KIAA1328: variants seen among roughly 807,000 people sequenced by gnomAD.
KIAA1328 encodes KIAA1328.
A neutral mutation model predicts 68.1 loss-of-function variants in KIAA1328; 52 were observed. The ratio of observed to expected loss-of-function variants is 0.76; its 90% CI spans 0.61 to 0.96. The LOEUF (loss-of-function observed/expected upper bound fraction) is 0.96, where lower values mean the gene tolerates loss of function less well. KIAA1328 is among the 40% of genes least tolerant of loss of function. The pLI, the probability that KIAA1328 is intolerant of heterozygous loss-of-function variation, is 0.00. For missense variants in KIAA1328, 641 were observed against 677.6 expected, an observed-to-expected ratio of 0.95 and a Z score of 0.60; for synonymous variants, 232 against 239.4, an observed-to-expected ratio of 0.97 and a Z score of 0.28.
At chr18:37,102,284 G>A (rs2057644040) in intron 7 of KIAA1328, among the ~76,000 whole-genome samples, 1 of 152,166 alleles carries the variant, frequency 6.6e-6, no homozygotes, top group South Asian at 2.1e-4. Context: ...CGTGATTCAG[G>A]GGAGGGACAG....
At chr18:36,831,903 A>G (rs573498098) in intron 1 of KIAA1328, among the ~76,000 whole-genome samples, 2 of 152,308 alleles carry the variant, frequency 1.3e-5, no homozygotes, top group East Asian at 1.9e-4. Context: ...CTGCTGATTC[A>G]TTCAAATGTG....
chr18:36,930,534 G>C (rs76110420), intron 5 of KIAA1328, among the ~76,000 whole-genome samples: 1 of 152,132 alleles, frequency 6.6e-6, no homozygotes, highest in African/African-American at 2.4e-5. Flanking sequence ...TTATACAACT[G>C]TCTGTTCTCA....
Position 37,144,015 on chromosome 18 carries a change from A to G in KIAA1328, c.1233-16185A>G, listed in dbSNP as rs2058840110. Among the ~76,000 whole-genome samples the G allele has an allele frequency of 2.0e-5, 3 of 152,070 alleles. No homozygotes were observed. In the South Asian group the frequency reaches 6.2e-4, roughly 31 times the overall value. On this transcript the variant is annotated intron_variant, in intron 7 of 9. Coordinates refer to ENST00000280020, the MANE Select transcript of KIAA1328 (RefSeq NM_020776.3). ...AGGATTGGCAGTATTTCTTTCTTATATGTGATAAAATTTACCAGTGAAGCT... is the reference window on the plus strand; with the variant it reads ...AGGATTGGCAGTATTTCTTTCTTATGTGTGATAAAATTTACCAGTGAAGCT...
In KIAA1328 at chr18:37,159,283, G is replaced by A. The variant is rs374919149; in HGVS notation, c.1233-917G>A. Among the ~76,000 whole-genome samples the A allele has an allele frequency of 8.5e-5, 13 of 152,312 alleles. No individual in the cohort carries two copies. In the East Asian group the frequency reaches 1.4e-3, roughly 16 times the overall value. ...GAATCCTGGTCAAAGGCCACCTGGA[G>A]TAAGTGATAGACCTGGCAACACTCC... On this transcript the variant is annotated intron_variant, in intron 7 of 9. Transcript: ENST00000280020.
chr18:36,835,431 G>A (rs2046642007), intron 3 of KIAA1328, 55 bp downstream of exon 3: 5 of 1,500,948 alleles, frequency 3.3e-6, no homozygotes, highest in Non-Finnish European at 4.5e-6. Context: ...TATGAGTGCT[G>A]ACCAAAAAGG....
At chr18:37,013,813 C>CATGT (rs1339768269) in intron 6 of KIAA1328, among the ~76,000 whole-genome samples, 1 of 152,148 alleles carries the variant, frequency 6.6e-6, no homozygotes, top group African/African-American at 2.4e-5. Context: ...CATGCAAGTA[C>CATGT]ATGTGCCTTT....
chr18:36,836,707 G>A (rs2046686417), intron 3 of KIAA1328, among the ~76,000 whole-genome samples: 1 of 151,950 alleles, frequency 6.6e-6, no homozygotes, highest in African/African-American at 2.4e-5. Context: ...TATTCACAGA[G>A]TTGTGGATCC....
At chr18:36,838,890 A>C (rs988201801) in intron 3 of KIAA1328, among the ~76,000 whole-genome samples, 1 of 152,174 alleles carries the variant, frequency 6.6e-6, no homozygotes, top group East Asian at 1.9e-4. Flanking sequence ...GTGCACCGCC[A>C]CACCCGGCTA....
intron 7 of KIAA1328, among the ~76,000 whole-genome samples, chr18:37,083,583 T>C (rs2057012615): frequency 6.6e-6 from 1 of 152,206 alleles, no homozygotes; most frequent in South Asian, 2.1e-4. Flanking sequence ...CATGTCAGTG[T>C]AGGGCTAAGT....
chr18:37,138,948 C>CTTTTT lies in KIAA1328; in HGVS notation c.1233-21230_1233-21226dup, dbSNP rs869053490. On this transcript the variant is annotated intron_variant, in intron 7 of 9. Transcript: ENST00000280020. ...AATATTTCATGTATGAAATTTTGTTCTTTTTTTTTTTTTTTTTTTTTTTTT... is the reference window on the plus strand; with the variant it reads ...AATATTTCATGTATGAAATTTTGTTCTTTTTTTTTTTTTTTTTTTTTTTTTTTTTT... 3.9e-4 allele frequency among the ~76,000 whole-genome samples: 29 copies of CTTTTT among 74,166 alleles called. 3 individuals carry two copies. Among genetic ancestry groups the CTTTTT allele is most frequent in the East Asian group, 1.1e-3 (3 of 2,616 alleles). The allele number at this position is 74,166 out of a possible 152,430, so 48.7% of individuals were successfully genotyped here.
At chr18:37,089,869 AAACT>A (rs1599226297) in intron 7 of KIAA1328, among the ~76,000 whole-genome samples, 1 of 152,208 alleles carries the variant, frequency 6.6e-6, no homozygotes, top group Non-Finnish European at 1.5e-5. Flanking sequence ...AGCATCAAAC[AAACT>A]AACTAAAAAA....
At chr18:36,994,719 A>AT (rs1443175732) in intron 6 of KIAA1328, among the ~76,000 whole-genome samples, 1 of 151,996 alleles carries the variant, frequency 6.6e-6, no homozygotes, top group Non-Finnish European at 1.5e-5. Context: ...GCTTATACAT[A>AT]TTTTTCTTTT....
At chr18:37,229,654 C>T (rs1198488224), downstream of KIAA1328, 2 of 804,716 alleles carry the variant, frequency 2.5e-6, no homozygotes, top group Non-Finnish European at 3.6e-6. Flanking sequence ...GCAGCCGGAT[C>T]ATGAGGTCAG....
intron 7 of KIAA1328, among the ~76,000 whole-genome samples, chr18:37,124,794 C>A (rs950372787): frequency 2.6e-5 from 4 of 152,122 alleles, no homozygotes; most frequent in Admixed American, 2.0e-4. Flanking sequence ...CCAGTCCCCT[C>A]GTGCTTGTAG....
chr18:36,976,103 G>A (rs866120421), intron 6 of KIAA1328, among the ~76,000 whole-genome samples: 1 of 152,204 alleles, frequency 6.6e-6, no homozygotes, highest in Non-Finnish European at 1.5e-5. Context: ...TCTGTGCATT[G>A]TCCAATATGA....
At chr18:37,171,429 G>A (rs978793912) in intron 8 of KIAA1328, among the ~76,000 whole-genome samples, 1 of 152,056 alleles carries the variant, frequency 6.6e-6, no homozygotes, top group Non-Finnish European at 1.5e-5. Flanking sequence ...TGCCCAGGCT[G>A]GTCTTCAACT....
chr18:37,092,467 T>C (rs928545676), intron 7 of KIAA1328, among the ~76,000 whole-genome samples: 2 of 151,966 alleles, frequency 1.3e-5, no homozygotes, highest in South Asian at 2.1e-4. Flanking sequence ...GTGCACACAA[T>C]CTGGGAGACT....
At chr18:37,194,892 C>T (rs1398460403) in intron 9 of KIAA1328, among the ~76,000 whole-genome samples, 1 of 152,020 alleles carries the variant, frequency 6.6e-6, no homozygotes, top group Non-Finnish European at 1.5e-5. Context: ...AACTCCTGAC[C>T]TCATGATCCA....
rs116485274 is a variant in KIAA1328 at position 37,127,033 on chromosome 18, G to A, written c.1233-33167G>A. Among the ~76,000 whole-genome samples, 1,257 of 152,224 alleles carry A rather than the reference G, an allele frequency of 8.3e-3. 20 individuals carry two copies. The highest frequency in any genetic ancestry group is 0.028 in the African/African-American group (1,180 of 41,524). ...CTAAGACTGGAAACAAGGCAAAGAT[G>A]TTCACTCTATTGACTTCTATTCGGC... On this transcript the variant is annotated intron_variant, in intron 7 of 9. Transcript: ENST00000280020.
Sources: allele counts gnomAD v4.1 joint callset (sites outside exome capture counted in the v4.1 genomes callset), GRCh38; gene constraint gnomAD v4.1.1; transcripts MANE v1.5; gene names NCBI Gene and HGNC (gene_info 2026-07-23, HGNC 2026-07-21).